DNAI4: variants seen among roughly 807,000 people sequenced by gnomAD.
DNAI4 encodes the protein dynein axonemal intermediate chain 4, also known as WD repeat domain 78.
In DNAI4, 85 loss-of-function variants were observed where a neutral mutation model predicts 105.8. The observed-to-expected ratio is 0.80, with a 90% CI of 0.67 to 0.96. The LOEUF (loss-of-function observed/expected upper bound fraction) is 0.96, where lower values mean the gene tolerates loss of function less well. Among genes scored for constraint, DNAI4 ranks in the 40% least tolerant of loss-of-function variants. The pLI is 0.00. For synonymous variants in DNAI4, 352 were observed against 331.5 expected (o/e 1.06, Z -0.67); for missense variants, 1,014 against 1,005.6 (o/e 1.01, Z -0.11).
rs1476816944 is a variant in DNAI4 at position 66,834,080 on chromosome 1, G to T, written c.1802C>A (p.Thr601Lys). Residue 601 changes from threonine (T) to lysine (K), a missense_variant, in exon 12 of 17, where the codon ACA becomes AAA. By Grantham distance (78) the Thr-to-Lys change is moderately conservative. Coordinates refer to ENST00000371026, the MANE Select transcript of DNAI4 (RefSeq NM_024763.5). ...LQWIEQDRGTTGDGKREILVS... is the reference protein window; with the variant it reads ...LQWIEQDRGTKGDGKREILVS... The stretch of plus-strand genomic sequence containing the variant: ...TAGTATTTCTCTTTTGCCATCTCCT[G>T]TTGTTCCTCGATCTTGTTCTATCCA... 6.2e-7 allele frequency: 1 copy of T among 1,612,374 alleles called. No homozygotes were observed.
chr1:66,816,636 A>G (rs1354743028), intron 16 of DNAI4, among the ~76,000 whole-genome samples: 2 of 152,066 alleles, frequency 1.3e-5, no homozygotes, highest in Non-Finnish European at 2.9e-5. Flanking sequence ...GACCAAAAAC[A>G]TGAAAAACAT....
At chr1:66,924,159 A>G (rs1650894903) in intron 1 of DNAI4, among the ~76,000 whole-genome samples, 1 of 152,186 alleles carries the variant, frequency 6.6e-6, no homozygotes, top group South Asian at 2.1e-4. Flanking sequence ...CAGCAAGCAC[A>G]GCAATAGAGA....
At chr1:66,922,096 G>T (rs910175224) in intron 1 of DNAI4, among the ~76,000 whole-genome samples, 17 of 151,932 alleles carry the variant, frequency 1.1e-4, no homozygotes, top group Admixed American at 7.2e-4. Context: ...TTGCCATGTT[G>T]CCCAGGCTGG....
chr1:66,822,661 C>T (rs928293505), intron 15 of DNAI4, 144 bp from the exon 16 acceptor site: 32 of 635,660 alleles, frequency 5.0e-5, no homozygotes, highest in African/African-American at 4.7e-4. Context: ...AAAATAACTG[C>T]TCCTCACTCC....
intron 1 of DNAI4, among the ~76,000 whole-genome samples, chr1:66,915,034 C>G (rs928212242): frequency 6.6e-6 from 1 of 152,190 alleles, no homozygotes; most frequent in African/African-American, 2.4e-5. Context: ...CAAGCAATTT[C>G]ATACTTATCC....
At chr1:66,862,427 G>A (rs546590367) in intron 6 of DNAI4, 125 bp from the exon 7 acceptor site, 40 of 1,033,206 alleles carry the variant, frequency 3.9e-5, no homozygotes, top group African/African-American at 2.8e-4. Context: ...GCAGTTGCCC[G>A]TGCCAGCTAC....
rs1405416792 is a variant in DNAI4, at chr1:66,813,606, A to G, written c.*524T>C. On this transcript the variant is annotated 3_prime_UTR_variant, in exon 17 of 17. Coordinates refer to ENST00000371026, the MANE Select transcript of DNAI4 (RefSeq NM_024763.5). The stretch of plus-strand genomic sequence containing the variant: ...TATATTTTGCTTGCCAAATAGTCTA[A>G]CAAAGTTCTATAGCTTCGGCTCTTA... 6.6e-6 allele frequency: 1 copy of G among 152,378 alleles called. No individual in the cohort carries two copies. Among genetic ancestry groups the G allele is most frequent in the African/African-American group, 2.4e-5 (1 of 41,456 alleles). The allele number at this position is 152,378 out of a possible 1,614,324, so 9.4% of individuals were successfully genotyped here.
rs12127934 is a variant in DNAI4, at chr1:66,836,244, A to G, written c.1582-467T>C. On this transcript the variant is annotated intron_variant, in intron 10 of 16. Coordinates refer to ENST00000371026, the MANE Select transcript of DNAI4 (RefSeq NM_024763.5). ...AGAGAGAGAGAGAGAGAAAGAAAGA[A>G]AGAGAGAGAGAGAAAGAAAGAAAGA... is the stretch of plus-strand genomic sequence containing the variant. 9.2e-4 allele frequency among the ~76,000 whole-genome samples: 117 copies of G among 127,000 alleles called. 1 individual carries two copies. Among genetic ancestry groups the G allele is most frequent in the African/African-American group, 1.5e-3 (47 of 32,294 alleles). The allele number at this position is 127,000 out of a possible 152,430, so 83.3% of individuals were successfully genotyped here. A position where few individuals can be genotyped will look rare whatever the true frequency, so the allele number is the denominator to read the frequency against.
intron 2 of DNAI4, among the ~76,000 whole-genome samples, chr1:66,893,898 T>C (rs931936901): frequency 6.6e-6 from 1 of 152,186 alleles, no homozygotes; most frequent in African/African-American, 2.4e-5. Flanking sequence ...AAAGTTCCTA[T>C]CACCTAGTGA....
intron 2 of DNAI4, among the ~76,000 whole-genome samples, chr1:66,903,650 C>T (rs554863379): frequency 2.6e-5 from 4 of 152,148 alleles, no homozygotes; most frequent in South Asian, 2.1e-4. Flanking sequence ...CCTGCCACGA[C>T]GGCTGGCTAG....
At chr1:66,816,727 TCACA>T (rs57920483) in intron 16 of DNAI4, among the ~76,000 whole-genome samples, 27,748 of 137,376 alleles carry the variant, frequency 0.2, 3,024 homozygotes, top group Middle Eastern at 0.29. Flanking sequence ...AGCCTTGAAA[TCACA>T]CACACACACA....
intron 4 of DNAI4, among the ~76,000 whole-genome samples, chr1:66,877,480 CTT>C (rs1385191820): frequency 6.6e-6 from 1 of 152,070 alleles, no homozygotes; most frequent in Non-Finnish European, 1.5e-5. Flanking sequence ...ATTTGGTAAA[CTT>C]TGTATTTTAG....
At chr1:66,836,137 AAGAAAAG>A (rs1484194599) in intron 10 of DNAI4, among the ~76,000 whole-genome samples, 5 of 141,724 alleles carry the variant, frequency 3.5e-5, no homozygotes, top group African/African-American at 1.1e-4. Flanking sequence ...GAAAGAAAGA[AAGAAAAG>A]AAAGAAAGAA....
At chr1:66,855,169 T>C (rs897070288) in intron 7 of DNAI4, among the ~76,000 whole-genome samples, 1 of 152,222 alleles carries the variant, frequency 6.6e-6, no homozygotes, top group African/African-American at 2.4e-5. Flanking sequence ...AGTAGGAATA[T>C]CTGCTAAACC....
chr1:66,830,780 C>CA (rs1185319040), intron 13 of DNAI4, among the ~76,000 whole-genome samples: 2,295 of 135,990 alleles, frequency 0.017, 28 homozygotes, highest in Non-Finnish European at 0.022. Context: ...GACCCTGTCT[C>CA]AAAAAAAAAT....
chr1:66,855,565 A>G (rs1646483432), intron 7 of DNAI4, among the ~76,000 whole-genome samples: 1 of 152,238 alleles, frequency 6.6e-6, no homozygotes, highest in African/African-American at 2.4e-5. Context: ...GAGTAGCTAT[A>G]TTTAATTACA....
At chr1:66,830,614 T>TA (rs1260236126) in intron 13 of DNAI4, among the ~76,000 whole-genome samples, 2 of 151,510 alleles carry the variant, frequency 1.3e-5, no homozygotes, top group South Asian at 2.1e-4. Context: ...CTGTCCCTAC[T>TA]AAAAAAAATT....
At chr1:66,814,517 T>C (rs958651214) in intron 16 of DNAI4, among the ~76,000 whole-genome samples, 4 of 152,054 alleles carry the variant, frequency 2.6e-5, no homozygotes, top group Non-Finnish European at 2.9e-5. Flanking sequence ...TACAGGCACG[T>C]GCCACCACGC....
At chr1:66,835,509 A>G (rs1417501181) in intron 11 of DNAI4, 117 bp downstream of exon 11, 1 of 1,090,362 alleles carries the variant, frequency 9.2e-7, no homozygotes, top group African/African-American at 1.6e-5. Context: ...AATGTTTCAA[A>G]AATAATGGTA....
Sources: allele counts gnomAD v4.1 joint callset (sites outside exome capture counted in the v4.1 genomes callset), GRCh38; gene constraint gnomAD v4.1.1; transcripts MANE v1.5; gene names NCBI Gene and HGNC (gene_info 2026-07-23, HGNC 2026-07-21).